FOXO3B: variants seen among roughly 807,000 people sequenced by gnomAD.
The protein encoded by FOXO3B is forkhead box O3B, also known as forkhead box protein O3B.
Under a neutral mutation model 21.9 loss-of-function variants are expected in FOXO3B, and 15 were observed. The ratio of observed to expected loss-of-function variants is 0.68; its 90% CI spans 0.46 to 1.05. The LOEUF (loss-of-function observed/expected upper bound fraction) is 1.05. Among genes scored for constraint, FOXO3B ranks in the 50% least tolerant of loss-of-function variants. FOXO3B has a pLI of 0.00. For synonymous variants in FOXO3B, 135 were observed against 213.6 expected (o/e 0.63, Z 3.21); for missense variants, 293 against 435.5 (o/e 0.67, Z 2.91).
Position 18,677,433 on chromosome 17 carries a change from A to G in FOXO3B, c.126+3308T>C, listed in dbSNP as rs111241317. ...GCTGGGCATCCGACACGTACTGCTG[A>G]CCATCAAGTGCCTGCTGATCCACCC... On this transcript the variant is annotated intron_variant, in intron 3 of 3. Coordinates refer to ENST00000395675, the MANE Select transcript of FOXO3B (RefSeq NM_001368135.1). 12,453 of 1,614,098 alleles carry G rather than the reference A, an allele frequency of 7.7e-3. 63 individuals are homozygous for G. Among genetic ancestry groups the G allele is most frequent in the Middle Eastern group, 0.015 (93 of 6,060 alleles).
Position 18,668,399 on chromosome 17 carries a change from G to A in FOXO3B, c.*3910C>T, listed in dbSNP as rs963547330. 1.1e-4 allele frequency: 17 copies of A among 152,662 alleles called. No homozygotes were observed. Among genetic ancestry groups the A allele is most frequent in the Admixed American group, 1.0e-3 (16 of 15,302 alleles). 9.5% of individuals were successfully genotyped at this position (152,662 alleles called of 1,614,324 possible). On this transcript the variant is annotated 3_prime_UTR_variant, in exon 4 of 4. Transcript: ENST00000395675. ...TCTCTGTCCCTTCCTCAGCTGTTTC[G>A]GATTAAATGATAATCTGGTTCTAGG...
Position 18,671,499 on chromosome 17 carries a change from G to A in FOXO3B, c.*810C>T, listed in dbSNP as rs1464330886. On this transcript the variant is annotated 3_prime_UTR_variant, in exon 4 of 4. Transcript: ENST00000395675. ...GACATCGCTGTGGCTAAGTGAGTCC[G>A]AAGTGAGCAGGTCCTGGAGTGTCTG... 1.4e-5 allele frequency: 22 copies of A among 1,592,698 alleles called. No homozygotes were observed. Among genetic ancestry groups the A allele is most frequent in the East Asian group, 2.2e-5 (1 of 44,602 alleles).
rs1378655274 is a variant in FOXO3B at position 18,670,296 on chromosome 17, A to T, written c.*2013T>A. Reference sequence around the variant, plus strand: ...TTAGAAAAGGATAATTTTCTACCAAACAAAAGAAGAAAGAAAATCCCCCTT... The same window carrying T: ...TTAGAAAAGGATAATTTTCTACCAATCAAAAGAAGAAAGAAAATCCCCCTT... On this transcript the variant is annotated 3_prime_UTR_variant, in exon 4 of 4. Transcript: ENST00000395675. 6.6e-6 allele frequency among the ~76,000 whole-genome samples: 1 copy of T among 152,234 alleles called. No individual in the cohort carries two copies. The highest frequency in any genetic ancestry group is 1.9e-4 in the East Asian group (1 of 5,208).
chr17:18,677,403 G>T, intron 3 of FOXO3B: 1 of 1,614,074 alleles, frequency 6.2e-7, no homozygotes, highest in Admixed American at 1.7e-5. Flanking sequence ...GGACTGGACG[G>T]CTGAGCTGGG....
At chr17:18,679,024 TA>T (rs2032540395) in intron 3 of FOXO3B, among the ~76,000 whole-genome samples, 1 of 151,464 alleles carries the variant, frequency 6.6e-6, no homozygotes, top group South Asian at 2.1e-4. Flanking sequence ...GATGTAAGCC[TA>T]AACTCGTTAG....
Position 18,672,489 on chromosome 17 carries a change from C to A in FOXO3B, c.693G>T (p.Gln231His), listed in dbSNP as rs2032389464. The A allele has an allele frequency of 6.5e-7, 1 of 1,546,720 alleles. No individual in the cohort carries two copies. Among genetic ancestry groups the A allele is most frequent in the Admixed American group, 2.0e-5 (1 of 50,176 alleles). ...TCCGCCGCGACGAACATTTCCTCGG[C>A]TGCCCGGAGCCCCCAGCCGCCCCCG... Reference protein sequence around the residue: ...PQPGAAGGSGQPRKCSSRRNA... With the variant: ...PQPGAAGGSGHPRKCSSRRNA... Residue 231 changes from glutamine to histidine, a missense_variant, in exon 4 of 4, where the codon CAG becomes CAT. By Grantham distance (24) the Gln-to-His change is conservative (BLOSUM62 0). This residue lies in a region of FOXO3B where 251 missense variants were observed against 404.0 expected (regional missense o/e 0.62). Transcript: ENST00000395675. The surrounding 1 kb of genome is among the most constrained non-coding windows in gnomAD (Gnocchi z 4.2).
At chr17:18,677,911 C>CAAAAAAAAAAAAAA (rs57669387) in intron 3 of FOXO3B, among the ~76,000 whole-genome samples, 1 of 92,702 alleles carries the variant, frequency 1.1e-5, no homozygotes, top group Admixed American at 1.2e-4. Flanking sequence ...GTTGGAAAAG[C>CAAAAAAAAAAAAAA]AAAAAAAAAA....
In FOXO3B at chr17:18,672,689, C is replaced by A. The variant is rs1233512467; in HGVS notation, c.493G>T (p.Gly165Cys). ...AGCGTGCGGCTCCCGCCGCCGCCGCCGATCGCCATGGCCGAGCCGGCCCGT... is the reference window on the plus strand; with the variant it reads ...AGCGTGCGGCTCCCGCCGCCGCCGCAGATCGCCATGGCCGAGCCGGCCCGT... ...GGRAGSAMAI[G>C]GGGGSRTLVS... The change falls in exon 4 of 4, where the codon GGC (glycine) becomes TGC (cysteine). Residue 165 changes from glycine (G) to cysteine (C), a missense_variant. By Grantham distance (159) the Gly-to-Cys change is radical. Coordinates refer to ENST00000395675, the MANE Select transcript of FOXO3B (RefSeq NM_001368135.1). This position sits in a 1 kb window ranked among gnomAD's most constrained non-coding sequence, Gnocchi z 4.2. 5.9e-6 allele frequency: 9 copies of A among 1,524,328 alleles called. 1 individual carries two copies. In the African/African-American group the frequency reaches 1.3e-4, roughly 22 times the overall value. The allele number at this position is 1,524,328 out of a possible 1,614,324, so 94.4% of individuals were successfully genotyped here. A position where few individuals can be genotyped will look rare whatever the true frequency, so the allele number is the denominator to read the frequency against.
At chr17:18,680,660 A>G in intron 3 of FOXO3B, 81 bp downstream of exon 3, 1 of 1,254,206 alleles carries the variant, frequency 8.0e-7, no homozygotes, top group Non-Finnish European at 1.1e-6. Flanking sequence ...GTGGATAAAG[A>G]AACTCCACAT....
intron 3 of FOXO3B, among the ~76,000 whole-genome samples, chr17:18,679,847 T>C (rs4924904): frequency 1.1e-4 from 14 of 133,004 alleles, no homozygotes; most frequent in South Asian, 2.4e-4. Flanking sequence ...AAAAATTCTT[T>C]TTTTTTTTTT....
intron 1 of FOXO3B, 164 bp from the exon 2 acceptor site, chr17:18,682,010 G>A: frequency 1.7e-6 from 1 of 605,866 alleles, no homozygotes; most frequent in Non-Finnish European, 2.9e-6. Context: ...AGGACCCCGC[G>A]ACCACCCCGC....
intron 3 of FOXO3B, chr17:18,677,414 C>T: frequency 6.2e-7 from 1 of 1,614,136 alleles, no homozygotes; most frequent in South Asian, 1.1e-5. Context: ...CTGAGCTGGG[C>T]ATCCGACACG....
chr17:18,672,092 C>T lies in FOXO3B; in HGVS notation c.*217G>A. The T allele has an allele frequency of 6.2e-7, 1 of 1,609,834 alleles. No individual in the cohort carries two copies. The highest frequency in any genetic ancestry group is 1.7e-5 in the Admixed American group (1 of 59,432). ...TGGGAGGGACTGTCGTCAGCTGATT[C>T]GGGGGCTGTCTGCAGGGCTGCCTTC... is the stretch of plus-strand genomic sequence containing the variant. On this transcript the variant is annotated 3_prime_UTR_variant, in exon 4 of 4. Coordinates refer to ENST00000395675, the MANE Select transcript of FOXO3B (RefSeq NM_001368135.1). This position sits in a 1 kb window ranked among gnomAD's most constrained non-coding sequence, Gnocchi z 4.2.
chr17:18,679,438 T>C (rs2032545915), intron 3 of FOXO3B, among the ~76,000 whole-genome samples: 1 of 146,560 alleles, frequency 6.8e-6, no homozygotes, highest in East Asian at 1.9e-4. Context: ...GAAAGCTCCT[T>C]TTTTCCTCCT....
rs1215041806 is a variant in FOXO3B, at chr17:18,672,611, G to C, written c.571C>G (p.Gln191Glu). ...GTGGCTGGCCCAGACCCGGGGTCTTGCCCTCCGGGTGCCAGCACCCGGACC... is the reference window on the plus strand; with the variant it reads ...GTGGCTGGCCCAGACCCGGGGTCTTCCCCTCCGGGTGCCAGCACCCGGACC... ...DSVRVLAPGG[Q>E]DPGSGPATAA... is the part of the protein sequence containing the mutation. The change falls in exon 4 of 4, where the codon CAA becomes GAA. Residue 191 changes from glutamine to glutamate, a missense_variant. Gln to Glu is a conservative substitution (Grantham distance 29). This residue lies in a region of FOXO3B where 251 missense variants were observed against 404.0 expected (regional missense o/e 0.62). Transcript: ENST00000395675. The surrounding 1 kb of genome is among the most constrained non-coding windows in gnomAD (Gnocchi z 4.2). 7.0e-7 allele frequency: 1 copy of C among 1,437,920 alleles called. No individual in the cohort carries two copies. The highest frequency in any genetic ancestry group is 9.0e-7 in the Non-Finnish European group (1 of 1,106,978). The allele number at this position is 1,437,920 out of a possible 1,614,324, so 89.1% of individuals were successfully genotyped here.
In FOXO3B at chr17:18,671,872, G is replaced by C; in HGVS notation, c.*437C>G. 1 of 1,612,810 alleles carries C rather than the reference G, an allele frequency of 6.2e-7. No individual in the cohort carries two copies. Among genetic ancestry groups the C allele is most frequent in the Non-Finnish European group, 8.5e-7 (1 of 1,179,284 alleles). On this transcript the variant is annotated 3_prime_UTR_variant, in exon 4 of 4. Coordinates refer to ENST00000395675, the MANE Select transcript of FOXO3B (RefSeq NM_001368135.1). ...CTTGCTTACTGAAGGTGACAGGCTC[G>C]CTGAGCTGCTGTAGAGCATGGGCGA...
chr17:18,671,499 G>C lies in FOXO3B; in HGVS notation c.*810C>G. 3 of 1,592,816 alleles carry C rather than the reference G, an allele frequency of 1.9e-6. No individual in the cohort carries two copies. The highest frequency in any genetic ancestry group is 2.6e-6 in the Non-Finnish European group (3 of 1,162,318). ...GACATCGCTGTGGCTAAGTGAGTCCGAAGTGAGCAGGTCCTGGAGTGTCTG... is the reference window on the plus strand; with the variant it reads ...GACATCGCTGTGGCTAAGTGAGTCCCAAGTGAGCAGGTCCTGGAGTGTCTG... On this transcript the variant is annotated 3_prime_UTR_variant, in exon 4 of 4. Coordinates refer to ENST00000395675, the MANE Select transcript of FOXO3B (RefSeq NM_001368135.1).
intron 3 of FOXO3B, among the ~76,000 whole-genome samples, chr17:18,678,157 G>A (rs2151736922): frequency 6.6e-6 from 1 of 152,058 alleles, no homozygotes; most frequent in African/African-American, 2.4e-5. Flanking sequence ...TACAAAAGAG[G>A]AAACAATAAA....
At chr17:18,675,217 T>A (rs1310924441) in intron 3 of FOXO3B, among the ~76,000 whole-genome samples, 1 of 150,966 alleles carries the variant, frequency 6.6e-6, no homozygotes, top group Non-Finnish European at 1.5e-5. Flanking sequence ...CAAATATATA[T>A]GTAACCTTGG....
Sources: gnomAD v4.1 joint callset for allele counts (sites outside exome capture counted in the v4.1 genomes callset) on GRCh38, gnomAD v4.1.1 for gene constraint, gnomAD v4.1.1 regional missense constraint, Gnocchi (gnomAD v3.1) non-coding constraint, MANE v1.5 for transcripts, NCBI Gene and HGNC (gene_info 2026-07-23, HGNC 2026-07-21) for gene names.